The following PRCP variants were observed in gnomAD, a reference collection of about 807,000 sequenced individuals.
PRCP encodes the protein lysosomal Pro-X carboxypeptidase.
Under a neutral mutation model 54.2 loss-of-function variants are expected in PRCP, and 46 were observed. The observed-to-expected ratio is 0.85, with a 90% CI of 0.67 to 1.09. The LOEUF is 1.09. PRCP is among the 50% of genes least tolerant of loss of function. PRCP has a pLI of 0.00. For missense variants in PRCP, 613 were observed against 596.8 expected (o/e 1.03, Z -0.28); for synonymous variants, 240 against 212.2 (o/e 1.13, Z -1.14).
intron 1 of PRCP, among the ~76,000 whole-genome samples, chr11:82,878,330 T>C (rs1027060509): frequency 6.6e-6 from 1 of 152,242 alleles, no homozygotes; most frequent in African/African-American, 2.4e-5. Context: ...TAGGAAGGCA[T>C]GATTGGTTTT....
intron 1 of PRCP, among the ~76,000 whole-genome samples, chr11:82,877,725 T>G (rs949870488): frequency 6.6e-6 from 1 of 152,216 alleles, no homozygotes; most frequent in Admixed American, 6.5e-5. Flanking sequence ...GGCAAAAGTT[T>G]GCTGCAGGGG....
intron 4 of PRCP, 22 bp from the exon 5 acceptor site, chr11:82,850,093 G>T: frequency 1.5e-6 from 2 of 1,298,942 alleles, no homozygotes; most frequent in East Asian, 2.9e-5. Flanking sequence ...GAAAATCAAA[G>T]AAAGAAAAAA....
chr11:82,893,185 A>G (rs1255005315), intron 1 of PRCP, among the ~76,000 whole-genome samples: 1 of 152,212 alleles, frequency 6.6e-6, no homozygotes, highest in Non-Finnish European at 1.5e-5. Context: ...TCCACTGCTA[A>G]GTGTTCATGA....
At chr11:82,856,748 T>G (rs1280803111) in intron 2 of PRCP, among the ~76,000 whole-genome samples, 2 of 151,528 alleles carry the variant, frequency 1.3e-5, no homozygotes, top group South Asian at 2.1e-4. Flanking sequence ...AAAGGTAATT[T>G]CAACTTTAAA....
intron 1 of PRCP, among the ~76,000 whole-genome samples, chr11:82,882,663 T>C (rs1374037331): frequency 6.7e-6 from 1 of 150,252 alleles, no homozygotes; most frequent in Non-Finnish European, 1.5e-5. Flanking sequence ...GCCCGGCTAA[T>C]TTTTTGTATT....
chr11:82,880,838 A>G (rs1368838004), intron 1 of PRCP, among the ~76,000 whole-genome samples: 2 of 48,536 alleles, frequency 4.1e-5, no homozygotes, highest in South Asian at 5.0e-4. Context: ...TTATGGAGGA[A>G]AAAAAAAAAA....
At chr11:82,887,302 A>T (rs186232363) in intron 1 of PRCP, among the ~76,000 whole-genome samples, 18 of 152,316 alleles carry the variant, frequency 1.2e-4, no homozygotes, top group Admixed American at 8.5e-4. Context: ...CTTTCTCACT[A>T]AACTGTAAGC....
intron 1 of PRCP, among the ~76,000 whole-genome samples, chr11:82,874,862 G>C (rs1457512919): frequency 6.6e-6 from 1 of 151,966 alleles, no homozygotes; most frequent in African/African-American, 2.4e-5. Flanking sequence ...AAATGTCCTG[G>C]GGGTTCTATT....
chr11:82,834,807 G>T (rs190818632), intron 8 of PRCP, among the ~76,000 whole-genome samples: 6 of 152,304 alleles, frequency 3.9e-5, no homozygotes, highest in African/African-American at 1.4e-4. Flanking sequence ...AGGCACAGTG[G>T]CTCATGCCTG....
rs570682852 is a variant in PRCP at position 82,823,166 on chromosome 11, G to A, written c.*1740C>T. On this transcript the variant is annotated 3_prime_UTR_variant, in exon 9 of 9. Coordinates refer to ENST00000313010, the MANE Select transcript of PRCP (RefSeq NM_005040.4). Reference sequence around the variant, plus strand: ...TTGCAGTTTGTTTCTTCAGAATAATGTAACTCATCCAAATAATCAACATCA... The same window carrying A: ...TTGCAGTTTGTTTCTTCAGAATAATATAACTCATCCAAATAATCAACATCA... 4.5e-4 allele frequency among the ~76,000 whole-genome samples: 69 copies of A among 152,196 alleles called. No homozygotes were observed. The highest frequency in any genetic ancestry group is 1.6e-3 in the African/African-American group (66 of 41,526).
chr11:82,877,716 G>A (rs1435901471), intron 1 of PRCP, among the ~76,000 whole-genome samples: 1 of 152,254 alleles, frequency 6.6e-6, no homozygotes, highest in Non-Finnish European at 1.5e-5. Flanking sequence ...GGATGCCCAG[G>A]CAAAAGTTTG....
At chr11:82,838,241 A>G in intron 8 of PRCP, 146 bp downstream of exon 8, 1 of 693,428 alleles carries the variant, frequency 1.4e-6, no homozygotes, top group Non-Finnish European at 2.2e-6. Context: ...TCAGCATCCT[A>G]TCTTTCAAGG....
chr11:82,825,098 T>G lies in PRCP; in HGVS notation c.1299A>C (p.Ser433=). ...VFSNGELDPW[S]GGGVTKDITD... ...TGATATCCTTAGTTACTCCACCTCC[T>G]GACCAGGGGTCTAGTTCACCATTGC... Residue 433 remains serine (S), a synonymous_variant, in exon 9 of 9, where the codon TCA becomes TCC. Transcript: ENST00000313010. 1 of 1,613,796 alleles carries G rather than the reference T, an allele frequency of 6.2e-7. No homozygotes were observed.
chr11:82,889,253 G>A (rs1565236221), intron 1 of PRCP, among the ~76,000 whole-genome samples: 1 of 152,002 alleles, frequency 6.6e-6, no homozygotes, highest in Non-Finnish European at 1.5e-5. Flanking sequence ...AGCTACTCAA[G>A]AGCCTGAGGC....
At chr11:82,859,884 C>T (rs12290925) in intron 2 of PRCP, 93 bp downstream of exon 2, 65,422 of 1,227,508 alleles carry the variant, frequency 0.053, 4,173 homozygotes, top group African/African-American at 0.3. Context: ...TTAAGAACAG[C>T]AATGTTTGGT....
At chr11:82,899,195 C>A (rs1860193759) in intron 1 of PRCP, among the ~76,000 whole-genome samples, 1 of 152,168 alleles carries the variant, frequency 6.6e-6, no homozygotes, top group African/African-American at 2.4e-5. Context: ...TGTCTCTGCA[C>A]AATTAACAAC....
At chr11:82,900,009 T>A in intron 1 of PRCP, 1 of 560,552 alleles carries the variant, frequency 1.8e-6, no homozygotes, top group African/African-American at 1.9e-5. Flanking sequence ...AAAGCCTGAA[T>A]CAAGAGTATG....
intron 1 of PRCP, among the ~76,000 whole-genome samples, chr11:82,892,728 T>A (rs1383691793): frequency 6.6e-6 from 1 of 152,246 alleles, no homozygotes; most frequent in African/African-American, 2.4e-5. Flanking sequence ...GAAAACATTT[T>A]AAAAATTCGC....
chr11:82,882,657 G>A (rs1227837061), intron 1 of PRCP, among the ~76,000 whole-genome samples: 5 of 150,120 alleles, frequency 3.3e-5, no homozygotes, highest in Non-Finnish European at 7.4e-5. Flanking sequence ...CACTACGCCC[G>A]GCTAATTTTT....
Sources: gnomAD v4.1 joint callset for allele counts (sites outside exome capture counted in the v4.1 genomes callset) on GRCh38, gnomAD v4.1.1 for gene constraint, MANE v1.5 for transcripts, NCBI Gene and HGNC (gene_info 2026-07-23, HGNC 2026-07-21) for gene names.